LRRTM4: variants seen among roughly 807,000 people sequenced by gnomAD.
LRRTM4 encodes leucine rich repeat transmembrane neuronal 4, also known as leucine-rich repeat transmembrane neuronal protein 4.
Under a neutral mutation model 47.6 loss-of-function variants are expected in LRRTM4, and 25 were observed. That is an observed-to-expected ratio of 0.53 (90% CI 0.38 to 0.73). LRRTM4 has a LOEUF of 0.73. Among genes scored for constraint, LRRTM4 ranks in the 30% least tolerant of loss-of-function variants. LRRTM4 has a pLI of 0.00. For synonymous variants in LRRTM4, 311 were observed against 269.5 expected (o/e 1.15, Z -1.51); for missense variants, 638 against 713.4 (o/e 0.89, Z 1.20).
intron 3 of LRRTM4, among the ~76,000 whole-genome samples, chr2:76,992,764 G>GA (rs1289671867): frequency 7.2e-6 from 1 of 139,154 alleles, no homozygotes; most frequent in African/African-American, 2.7e-5. Context: ...TATAGAATTA[G>GA]AAAAAACTAT....
At chr2:77,046,333 T>G (rs1679234589) in intron 3 of LRRTM4, among the ~76,000 whole-genome samples, 1 of 152,038 alleles carries the variant, frequency 6.6e-6, no homozygotes, top group Non-Finnish European at 1.5e-5. Flanking sequence ...GAACAATTTT[T>G]AACACACGGC....
At chr2:77,358,255 G>A (rs987233216) in intron 3 of LRRTM4, among the ~76,000 whole-genome samples, 2 of 152,130 alleles carry the variant, frequency 1.3e-5, no homozygotes, top group African/African-American at 4.8e-5. Flanking sequence ...CATCTGCCTG[G>A]CTTCTTTGCT....
At chr2:77,176,187 G>A (rs936603310) in intron 3 of LRRTM4, among the ~76,000 whole-genome samples, 2 of 152,104 alleles carry the variant, frequency 1.3e-5, no homozygotes, top group African/African-American at 4.8e-5. Flanking sequence ...TATGTGATTT[G>A]ATATAAATAA....
Position 76,781,401 on chromosome 2 carries a change from C to T in LRRTM4, c.1552-32485G>A, listed in dbSNP as rs961707503. ...CTCAGACTGCTGTGCTAGCAATCAG[C>T]GAGACTCCGTGGGCGTAGGACCCTC... On this transcript the variant is annotated intron_variant, in intron 3 of 3. Coordinates refer to ENST00000409884, the MANE Select transcript of LRRTM4 (RefSeq NM_001134745.3). Among the ~76,000 whole-genome samples, 5 of 152,228 alleles carry T rather than the reference C, an allele frequency of 3.3e-5. No individual in the cohort carries two copies. The South Asian group carries it at 6.2e-4, about 19-fold the overall frequency.
chr2:77,030,010 G>T (rs1678598187), intron 3 of LRRTM4, among the ~76,000 whole-genome samples: 1 of 152,182 alleles, frequency 6.6e-6, no homozygotes, highest in South Asian at 2.1e-4. Context: ...CCCATGGAAT[G>T]TGCAAAACAC....
At chr2:76,802,236 CAAA>C (rs60771411) in intron 3 of LRRTM4, among the ~76,000 whole-genome samples, 6,569 of 139,310 alleles carry the variant, frequency 0.047, 446 homozygotes, top group African/African-American at 0.15. Context: ...AAGACTCCAC[CAAA>C]AAAAAAAAAA....
chr2:77,495,222 G>A (rs1263695394), intron 3 of LRRTM4, among the ~76,000 whole-genome samples: 1 of 151,924 alleles, frequency 6.6e-6, no homozygotes, highest in Non-Finnish European at 1.5e-5. Context: ...CTGCCAAATG[G>A]CTTTCCAAAA....
At chr2:77,186,638 T>C (rs962338561) in intron 3 of LRRTM4, among the ~76,000 whole-genome samples, 1 of 152,148 alleles carries the variant, frequency 6.6e-6, no homozygotes, top group African/African-American at 2.4e-5. Context: ...TATAATGTCA[T>C]AAAAAGGAAA....
chr2:76,863,637 C>T (rs1672381399), intron 3 of LRRTM4, among the ~76,000 whole-genome samples: 1 of 152,080 alleles, frequency 6.6e-6, no homozygotes, highest in South Asian at 2.1e-4. Flanking sequence ...CTTTTATTCT[C>T]CCCTTTCCTT....
At chr2:76,803,778 T>G (rs1025717739) in intron 3 of LRRTM4, among the ~76,000 whole-genome samples, 1 of 152,204 alleles carries the variant, frequency 6.6e-6, no homozygotes, top group African/African-American at 2.4e-5. Flanking sequence ...GAAGGTTTCC[T>G]TCACCATAAC....
intron 3 of LRRTM4, among the ~76,000 whole-genome samples, chr2:77,253,668 TA>T (rs905794381): frequency 1.1e-4 from 17 of 152,042 alleles, no homozygotes; most frequent in African/African-American, 3.6e-4. Context: ...TTGTCCAACA[TA>T]AATTTTCCTC....
intron 3 of LRRTM4, among the ~76,000 whole-genome samples, chr2:77,348,549 T>C (rs908182307): frequency 2.1e-4 from 32 of 150,222 alleles, no homozygotes; most frequent in Non-Finnish European, 1.5e-5. Context: ...AAATATACCT[T>C]ACAAATATAC....
intron 3 of LRRTM4, among the ~76,000 whole-genome samples, chr2:76,883,895 T>C (rs532946089): frequency 6.6e-6 from 1 of 152,122 alleles, no homozygotes; most frequent in Non-Finnish European, 1.5e-5. Context: ...ATTAGCTCAC[T>C]GTAGTCTCAA....
intron 3 of LRRTM4, among the ~76,000 whole-genome samples, chr2:76,891,456 T>C (rs1456359060): frequency 1.3e-5 from 2 of 151,720 alleles, no homozygotes; most frequent in Non-Finnish European, 2.9e-5. Context: ...TTCACAGAAC[T>C]ACTCCTGGAT....
chr2:77,185,733 C>T (rs17013773), intron 3 of LRRTM4, among the ~76,000 whole-genome samples: 9,283 of 152,070 alleles, frequency 0.061, 415 homozygotes, highest in East Asian at 0.23. Context: ...TACACTATCC[C>T]CTGAGAATTA....
At chr2:77,509,782 G>A (rs1678914279) in intron 3 of LRRTM4, among the ~76,000 whole-genome samples, 1 of 151,984 alleles carries the variant, frequency 6.6e-6, no homozygotes, top group Non-Finnish European at 1.5e-5. Flanking sequence ...TAGTCCAATA[G>A]ATGAAAAAAT....
At chr2:76,896,371 T>C (rs1331693419) in intron 3 of LRRTM4, among the ~76,000 whole-genome samples, 1 of 151,954 alleles carries the variant, frequency 6.6e-6, no homozygotes, top group Non-Finnish European at 1.5e-5. Context: ...TCAACTTGAG[T>C]GCAAAAATGA....
chr2:77,414,960 G>A (rs1047612467), intron 3 of LRRTM4, among the ~76,000 whole-genome samples: 2 of 152,084 alleles, frequency 1.3e-5, no homozygotes, highest in African/African-American at 2.4e-5. Flanking sequence ...ATACAAAGAA[G>A]GGAGAGAAGA....
At chr2:76,865,621 T>G (rs1339181641) in intron 3 of LRRTM4, among the ~76,000 whole-genome samples, 2 of 152,172 alleles carry the variant, frequency 1.3e-5, no homozygotes. Context: ...AATTTTGAGC[T>G]CCTTCCTATA....
Sources: gnomAD v4.1 joint callset for allele counts (sites outside exome capture counted in the v4.1 genomes callset) on GRCh38, gnomAD v4.1.1 for gene constraint, MANE v1.5 for transcripts, NCBI Gene and HGNC (gene_info 2026-07-23, HGNC 2026-07-21) for gene names.